The following CMC1 variants were observed in gnomAD, a reference collection of about 807,000 sequenced individuals.
CMC1 encodes C-X9-C motif containing 1, also known as COX assembly mitochondrial protein homolog.
Under a neutral mutation model 14.1 loss-of-function variants are expected in CMC1, and 14 were observed. The observed-to-expected ratio is 0.99, with a 90% CI of 0.66 to 1.55. CMC1 has a LOEUF of 1.55. Among genes scored for constraint, CMC1 ranks in the 40% most tolerant of loss-of-function variants. The probability of loss-of-function intolerance (pLI) is 0.00; values close to 1 mark genes in which losing one functional copy is unlikely to be tolerated. For synonymous variants in CMC1, 50 were observed against 38.4 expected (o/e 1.30, Z -1.12); for missense variants, 127 against 123.8 (o/e 1.03, Z -0.12).
chr3:28,279,372 A>C (rs1281771637), intron 2 of CMC1, among the ~76,000 whole-genome samples: 1 of 152,190 alleles, frequency 6.6e-6, no homozygotes, highest in Non-Finnish European at 1.5e-5. Flanking sequence ...ATTCAGAAAA[A>C]ACAGAACCCA....
chr3:28,275,260 A>G (rs1016377668), intron 2 of CMC1, among the ~76,000 whole-genome samples: 38 of 145,088 alleles, frequency 2.6e-4, no homozygotes, highest in Admixed American at 2.5e-3. Context: ...TGTCCTTTAG[A>G]TGGGGTTTTT....
At chr3:28,270,435 T>C (rs1700221789) in intron 2 of CMC1, among the ~76,000 whole-genome samples, 1 of 152,174 alleles carries the variant, frequency 6.6e-6, no homozygotes, top group Non-Finnish European at 1.5e-5. Flanking sequence ...TTCTTAACTT[T>C]TTAATAATTG....
At chr3:28,247,564 G>T (rs1238115238) in intron 1 of CMC1, among the ~76,000 whole-genome samples, 1 of 152,232 alleles carries the variant, frequency 6.6e-6, no homozygotes, top group Non-Finnish European at 1.5e-5. Context: ...GCCAGGGGCA[G>T]TCCTGAGAAG....
chr3:28,318,261 C>A (rs1703032346), intron 3 of CMC1: 1 of 151,680 alleles, frequency 6.6e-6, no homozygotes, highest in Non-Finnish European at 1.5e-5. Flanking sequence ...TGATTTCTGT[C>A]CTCACATCAC....
At chr3:28,282,216 A>G (rs886674135) in intron 2 of CMC1, among the ~76,000 whole-genome samples, 4 of 152,216 alleles carry the variant, frequency 2.6e-5, no homozygotes, top group South Asian at 4.1e-4. Context: ...GGCTTTCTGC[A>G]TTCTTTTAAA....
chr3:28,263,415 A>T, intron 2 of CMC1, 35 bp downstream of exon 2: 1 of 1,309,804 alleles, frequency 7.6e-7, no homozygotes. Flanking sequence ...GATCAAATTT[A>T]TTTTTAATAA....
At chr3:28,312,296 T>A (rs1702675761) in intron 2 of CMC1, among the ~76,000 whole-genome samples, 1 of 152,188 alleles carries the variant, frequency 6.6e-6, no homozygotes, top group Admixed American at 6.5e-5. Context: ...TGTGAAAAAA[T>A]TCATTTTAAA....
intron 2 of CMC1, among the ~76,000 whole-genome samples, chr3:28,314,620 C>T (rs1702799386): frequency 6.6e-6 from 1 of 152,200 alleles, no homozygotes; most frequent in African/African-American, 2.4e-5. Context: ...CATGTGATCA[C>T]ACACATTAAA....
At chr3:28,259,149 AATAAT>A (rs1277903542) in intron 1 of CMC1, among the ~76,000 whole-genome samples, 4 of 151,084 alleles carry the variant, frequency 2.6e-5, no homozygotes, top group Non-Finnish European at 5.9e-5. Context: ...TTTATTTTTT[AATAAT>A]ATAATAATAA....
At chr3:28,283,549 AAC>A (rs1232801910) in intron 2 of CMC1, among the ~76,000 whole-genome samples, 6 of 120,362 alleles carry the variant, frequency 5.0e-5, no homozygotes, top group African/African-American at 1.4e-4. Flanking sequence ...CAACAACAAA[AAC>A]AAAAAAAAAA....
At chr3:28,247,674 A>G (rs1698897246) in intron 1 of CMC1, among the ~76,000 whole-genome samples, 1 of 152,240 alleles carries the variant, frequency 6.6e-6, no homozygotes. Context: ...TTAGTTGGAT[A>G]GTAAGAGTTT....
At chr3:28,300,702 C>A (rs1251713794) in intron 2 of CMC1, among the ~76,000 whole-genome samples, 1 of 77,118 alleles carries the variant, frequency 1.3e-5, no homozygotes, top group African/African-American at 5.4e-5. Context: ...CCTTTCCCTC[C>A]CTCTCACCCT....
intron 3 of CMC1, chr3:28,318,627 T>G (rs1361755714): frequency 1.3e-5 from 2 of 152,034 alleles, no homozygotes; most frequent in Admixed American, 1.3e-4. Context: ...TTGTGAATTA[T>G]ACAGTAGTCT....
intron 2 of CMC1, among the ~76,000 whole-genome samples, chr3:28,290,498 C>T (rs940743925): frequency 3.9e-5 from 6 of 152,060 alleles, no homozygotes; most frequent in Non-Finnish European, 8.8e-5. Flanking sequence ...TTTTCATCCC[C>T]ACCCCACCTT....
chr3:28,279,734 C>T (rs944100315), intron 2 of CMC1, among the ~76,000 whole-genome samples: 1 of 147,240 alleles, frequency 6.8e-6, no homozygotes, highest in African/African-American at 2.5e-5. Context: ...CAAGGAAATA[C>T]CTAAACAGAG....
chr3:28,279,504 CAT>C, intron 2 of CMC1, among the ~76,000 whole-genome samples: 1 of 152,106 alleles, frequency 6.6e-6, no homozygotes, highest in East Asian at 1.9e-4. Flanking sequence ...CAAGATAACT[CAT>C]ATGTTGCTAT....
chr3:28,249,271 G>A (rs1315959701), intron 1 of CMC1, among the ~76,000 whole-genome samples: 2 of 152,214 alleles, frequency 1.3e-5, no homozygotes, highest in Non-Finnish European at 2.9e-5. Flanking sequence ...ATGCTGCAGA[G>A]TAAGGAACCT....
At chr3:28,305,906 C>A (rs909208451) in intron 2 of CMC1, among the ~76,000 whole-genome samples, 3 of 144,998 alleles carry the variant, frequency 2.1e-5, no homozygotes, top group Non-Finnish European at 4.5e-5. Context: ...TTGCACATGG[C>A]TAGCCAGTTT....
intron 2 of CMC1, among the ~76,000 whole-genome samples, chr3:28,274,058 T>G (rs1281061750): frequency 6.6e-6 from 1 of 152,098 alleles, no homozygotes; most frequent in Non-Finnish European, 1.5e-5. Flanking sequence ...CCATTCTGTG[T>G]CTTCTAATTG....
Sources: allele counts gnomAD v4.1 joint callset (sites outside exome capture counted in the v4.1 genomes callset), GRCh38; gene constraint gnomAD v4.1.1; transcripts MANE v1.5; gene names NCBI Gene and HGNC (gene_info 2026-07-23, HGNC 2026-07-21).